ASIC2: variants seen among roughly 807,000 people sequenced by gnomAD.
ASIC2 encodes the protein acid sensing ion channel subunit 2.
A neutral mutation model predicts 57.3 loss-of-function variants in ASIC2; 25 were observed. That is an observed-to-expected ratio of 0.44 (90% CI 0.32 to 0.61). The LOEUF (loss-of-function observed/expected upper bound fraction) is 0.61, where lower values mean the gene tolerates loss of function less well. ASIC2 is among the 20% of genes least tolerant of loss of function. ASIC2 has a pLI of 0.06. For missense variants in ASIC2, 641 were observed against 738.1 expected, an observed-to-expected ratio of 0.87 and a Z score of 1.52; for synonymous variants, 319 against 307.5, an observed-to-expected ratio of 1.04 and a Z score of -0.39.
intron 1 of ASIC2, among the ~76,000 whole-genome samples, chr17:33,751,625 AC>A (rs1245562129): frequency 6.6e-6 from 1 of 151,968 alleles, no homozygotes; most frequent in African/African-American, 2.4e-5. Flanking sequence ...TCCATCCCTC[AC>A]GCTTTCATCC....
At chr17:33,271,768 C>G (rs568081478) in intron 1 of ASIC2, among the ~76,000 whole-genome samples, 4 of 152,346 alleles carry the variant, frequency 2.6e-5, no homozygotes, top group African/African-American at 9.6e-5. Flanking sequence ...CTTATCCACA[C>G]TCATCCAGTC....
intron 1 of ASIC2, among the ~76,000 whole-genome samples, chr17:33,645,612 C>A (rs1906714181): frequency 6.6e-6 from 1 of 152,152 alleles, no homozygotes; most frequent in Non-Finnish European, 1.5e-5. Context: ...ACTGAGATTT[C>A]CTGATGCCTA....
At chr17:33,308,079 C>T (rs1279594227) in intron 1 of ASIC2, among the ~76,000 whole-genome samples, 2 of 152,152 alleles carry the variant, frequency 1.3e-5, no homozygotes, top group Admixed American at 1.3e-4. Context: ...GTTCTAAATA[C>T]CTCAAACAGT....
chr17:33,311,334 T>C (rs1200819912), intron 1 of ASIC2, among the ~76,000 whole-genome samples: 1 of 152,188 alleles, frequency 6.6e-6, no homozygotes, highest in African/African-American at 2.4e-5. Flanking sequence ...CCAAAGACTG[T>C]GCTCTTTCTA....
intron 1 of ASIC2, among the ~76,000 whole-genome samples, chr17:33,518,615 C>T (rs1268594208): frequency 2.6e-5 from 4 of 152,186 alleles, no homozygotes; most frequent in South Asian, 2.1e-4. Context: ...ACTTATGAGG[C>T]TTTTAAAAAA....
At chr17:33,435,960 G>T (rs536140368) in intron 1 of ASIC2, among the ~76,000 whole-genome samples, 1 of 152,348 alleles carries the variant, frequency 6.6e-6, no homozygotes, top group South Asian at 2.1e-4. Context: ...AAACCCGGGA[G>T]AAATCAGGTC....
At chr17:33,641,473 G>C (rs934840745) in intron 1 of ASIC2, among the ~76,000 whole-genome samples, 1 of 152,186 alleles carries the variant, frequency 6.6e-6, no homozygotes, top group Admixed American at 6.5e-5. Flanking sequence ...GAATTTGACA[G>C]TTGAGGAAAC....
chr17:33,390,259 G>C (rs1351584671), intron 1 of ASIC2, among the ~76,000 whole-genome samples: 5 of 152,026 alleles, frequency 3.3e-5, no homozygotes, highest in African/African-American at 1.2e-4. Flanking sequence ...GTTGCAGTGA[G>C]CTGAGATCAC....
intron 1 of ASIC2, among the ~76,000 whole-genome samples, chr17:33,338,109 G>T (rs1907589594): frequency 6.6e-6 from 1 of 151,922 alleles, no homozygotes; most frequent in Non-Finnish European, 1.5e-5. Flanking sequence ...GTTTCTCTGA[G>T]GTGCTCTGGA....
chr17:33,317,769 C>T (rs1487450688), intron 1 of ASIC2, among the ~76,000 whole-genome samples: 1 of 152,080 alleles, frequency 6.6e-6, no homozygotes, highest in African/African-American at 2.4e-5. Flanking sequence ...ATACCACAGG[C>T]TCTCAGAACA....
intron 1 of ASIC2, among the ~76,000 whole-genome samples, chr17:33,289,843 T>C (rs1449004625): frequency 1.3e-5 from 2 of 152,312 alleles, no homozygotes. Context: ...CGAGGGCCTG[T>C]TGCTACTTGG....
At position 33,013,372 on chromosome 17, in the gene ASIC2, T is replaced by C. The variant is rs28936; in HGVS notation, c.*593A>G. ...CCCGCTGGCTGCTGTGCCGCCGTCA[T>C]AGGCACTGGGGGGGAGGGAGGTTGG... On this transcript the variant is annotated 3_prime_UTR_variant, in exon 10 of 10. Coordinates refer to ENST00000225823, the MANE Select transcript of ASIC2 (RefSeq NM_183377.2). 71,170 of 154,566 alleles carry C rather than the reference T, an allele frequency of 0.46. 18,816 individuals are homozygous for C. The highest frequency in any genetic ancestry group is 0.73 in the African/African-American group (30,404 of 41,506). 9.6% of individuals were successfully genotyped at this position (154,566 alleles called of 1,614,324 possible). A position where few individuals can be genotyped will look rare whatever the true frequency, so the allele number is the denominator to read the frequency against.
chr17:34,013,100 A>G (rs1341999739), intron 1 of ASIC2, among the ~76,000 whole-genome samples: 1 of 152,184 alleles, frequency 6.6e-6, no homozygotes, highest in Admixed American at 6.5e-5. Flanking sequence ...AGAAAATTGG[A>G]TTTGATGGAA....
intron 1 of ASIC2, among the ~76,000 whole-genome samples, chr17:34,065,456 A>G (rs1383429491): frequency 6.6e-6 from 1 of 152,228 alleles, no homozygotes; most frequent in African/African-American, 2.4e-5. Flanking sequence ...ATTATCACTA[A>G]AGAACTTACT....
intron 1 of ASIC2, among the ~76,000 whole-genome samples, chr17:33,577,388 G>A (rs1346944264): frequency 6.6e-6 from 1 of 152,126 alleles, no homozygotes; most frequent in Non-Finnish European, 1.5e-5. Flanking sequence ...AATCTCCAGG[G>A]GAGAGGTGTA....
chr17:33,949,541 T>G (rs908513593), intron 1 of ASIC2, among the ~76,000 whole-genome samples: 1 of 152,208 alleles, frequency 6.6e-6, no homozygotes, highest in Non-Finnish European at 1.5e-5. Context: ...TGGATGTCTA[T>G]GATTTCTTAT....
chr17:34,036,210 A>G (rs1907869411), intron 1 of ASIC2, among the ~76,000 whole-genome samples: 1 of 152,102 alleles, frequency 6.6e-6, no homozygotes, highest in African/African-American at 2.4e-5. Context: ...TGATGAGTTC[A>G]TGTCCTTTGT....
intron 1 of ASIC2, among the ~76,000 whole-genome samples, chr17:33,560,526 G>A (rs967913562): frequency 3.3e-5 from 5 of 152,210 alleles, no homozygotes; most frequent in East Asian, 1.9e-4. Flanking sequence ...GGACCTTTTC[G>A]AAGGAAGATT....
intron 1 of ASIC2, chr17:34,004,565 C>A (rs148488445): frequency 2.5e-4 from 38 of 152,308 alleles, no homozygotes; most frequent in African/African-American, 8.9e-4. Context: ...TTCAGAGAGA[C>A]CTGACTTTGA....
Sources: allele counts gnomAD v4.1 joint callset (sites outside exome capture counted in the v4.1 genomes callset), GRCh38; gene constraint gnomAD v4.1.1; transcripts MANE v1.5; gene names NCBI Gene and HGNC (gene_info 2026-07-23, HGNC 2026-07-21).